APIP: variants seen among roughly 807,000 people sequenced by gnomAD.
APIP encodes methylthioribulose-1-phosphate dehydratase.
In APIP, 32 loss-of-function variants were observed where a neutral mutation model predicts 32.0. The observed-to-expected ratio is 1.00, with a 90% CI of 0.76 to 1.34. The LOEUF (loss-of-function observed/expected upper bound fraction) is 1.34. APIP is among the 40% of genes most tolerant of loss of function. The pLI is 0.00. For missense variants in APIP, 247 were observed against 298.6 expected, an observed-to-expected ratio of 0.83 and a Z score of 1.27; for synonymous variants, 92 against 94.8, an observed-to-expected ratio of 0.97 and a Z score of 0.17.
At chr11:34,884,702 C>T (rs576464746) in intron 5 of APIP, among the ~76,000 whole-genome samples, 7 of 148,000 alleles carry the variant, frequency 4.7e-5, no homozygotes, top group Admixed American at 1.4e-4. Flanking sequence ...CTAGCCTTGG[C>T]GACAGAGCCA....
At chr11:34,916,138 G>T in intron 1 of APIP, 90 bp downstream of exon 1, 4 of 1,512,326 alleles carry the variant, frequency 2.6e-6, no homozygotes, top group Middle Eastern at 2.3e-4. Flanking sequence ...CTAAACGCCC[G>T]GCCCGCTACC....
At chr11:34,907,938 A>G (rs971055997) in intron 1 of APIP, among the ~76,000 whole-genome samples, 3 of 152,162 alleles carry the variant, frequency 2.0e-5, no homozygotes, top group Non-Finnish European at 1.5e-5. Flanking sequence ...CACAGCCAAC[A>G]ATGGCTCTAA....
chr11:34,899,980 T>C (rs1245739499), intron 1 of APIP, among the ~76,000 whole-genome samples: 1 of 152,228 alleles, frequency 6.6e-6, no homozygotes, highest in Non-Finnish European at 1.5e-5. Flanking sequence ...TGGGACTGCT[T>C]CAACCCTGAG....
rs1853129440 is a variant in APIP, at chr11:34,888,747, C to T, written c.325+5G>A. On this transcript the variant is annotated splice_donor_5th_base_variant and intron_variant, in intron 4 of 6. Transcript: ENST00000395787. Reference sequence around the variant, plus strand: ...TTCTTTATGTTGAATATATTTTCTGCATACCTCTCATTGTGTAAGCATTCA... The same window carrying T: ...TTCTTTATGTTGAATATATTTTCTGTATACCTCTCATTGTGTAAGCATTCA... The T allele has an allele frequency of 2.0e-6, 3 of 1,511,762 alleles. No individual in the cohort carries two copies. Among genetic ancestry groups the T allele is most frequent in the South Asian group, 2.7e-5 (2 of 75,366 alleles). The allele number at this position is 1,511,762 out of a possible 1,614,324, so 93.6% of individuals were successfully genotyped here.
intron 1 of APIP, among the ~76,000 whole-genome samples, chr11:34,910,235 G>C (rs1853524709): frequency 6.6e-6 from 1 of 152,188 alleles, no homozygotes; most frequent in Non-Finnish European, 1.5e-5. Context: ...GTTTGGCTAG[G>C]CCAACTCCAT....
intron 1 of APIP, 56 bp from the exon 2 acceptor site, chr11:34,895,166 C>A: frequency 7.0e-7 from 1 of 1,427,438 alleles, no homozygotes; most frequent in South Asian, 1.2e-5. Context: ...AGTAACTATT[C>A]CAGCTGGTGT....
intron 5 of APIP, among the ~76,000 whole-genome samples, chr11:34,885,292 A>T (rs2985397): frequency 0.6 from 89,220 of 148,704 alleles, 27,816 homozygotes; most frequent in East Asian, 0.74. Flanking sequence ...TATACATATA[A>T]AGGTATATAT....
chr11:34,883,382 TG>T lies in APIP; in HGVS notation c.583del (p.His195MetfsTer30). 6.2e-7 allele frequency: 1 copy of T among 1,613,622 alleles called. No individual in the cohort carries two copies. The highest frequency in any genetic ancestry group is 8.5e-7 in the Non-Finnish European group (1 of 1,179,852). On this transcript the variant is annotated frameshift_variant, in exon 6 of 7. Transcript: ENST00000395787. LOFTEE classifies it high-confidence loss of function. ...PDSCAVLVRR[H>X]GVYVWGETWE... ...TGTTTCCCCCCACACATATACTCCA[TG>T]ACGTCTGACCAGTACTGCACAGGAG...
At chr11:34,912,840 T>C (rs1274591902) in intron 1 of APIP, among the ~76,000 whole-genome samples, 2 of 152,192 alleles carry the variant, frequency 1.3e-5, no homozygotes, top group Non-Finnish European at 2.9e-5. Flanking sequence ...CCTTTATATA[T>C]ATATTCCATT....
At chr11:34,891,716 G>A (rs1038215901) in intron 2 of APIP, among the ~76,000 whole-genome samples, 7 of 152,164 alleles carry the variant, frequency 4.6e-5, no homozygotes, top group Admixed American at 3.9e-4. Context: ...TTAGCTGCAC[G>A]CGAGCATTTG....
intron 5 of APIP, among the ~76,000 whole-genome samples, chr11:34,884,069 A>G (rs1166287652): frequency 6.6e-6 from 1 of 152,200 alleles, no homozygotes; most frequent in African/African-American, 2.4e-5. Flanking sequence ...AATCTGTAGC[A>G]TTAGAACTTC....
chr11:34,890,474 C>G, intron 3 of APIP, 30 bp downstream of exon 3: 1 of 1,583,042 alleles, frequency 6.3e-7, no homozygotes, highest in Non-Finnish European at 8.6e-7. Context: ...GAAGAAAAGA[C>G]ACTGAGGTTA....
intron 1 of APIP, among the ~76,000 whole-genome samples, chr11:34,904,617 G>A (rs1052103071): frequency 6.6e-6 from 1 of 152,170 alleles, no homozygotes; most frequent in Admixed American, 6.5e-5. Context: ...GAAGCGACTA[G>A]CAAAAGCCCA....
chr11:34,888,236 A>G (rs1364509073), intron 5 of APIP, 57 bp downstream of exon 5: 6 of 1,430,522 alleles, frequency 4.2e-6, no homozygotes, highest in Non-Finnish European at 5.6e-6. Flanking sequence ...TATTCTATTT[A>G]TCAAAGAGAA....
At chr11:34,908,543 C>A (rs1853492430) in intron 1 of APIP, among the ~76,000 whole-genome samples, 1 of 152,226 alleles carries the variant, frequency 6.6e-6, no homozygotes, top group Non-Finnish European at 1.5e-5. Context: ...CCTCCTCCTC[C>A]TCATCAGTCA....
intron 1 of APIP, among the ~76,000 whole-genome samples, chr11:34,912,990 C>T (rs939883136): frequency 6.6e-6 from 1 of 152,158 alleles, no homozygotes; most frequent in Non-Finnish European, 1.5e-5. Flanking sequence ...TCTGGTGGAC[C>T]ACCAGGCCCC....
intron 1 of APIP, among the ~76,000 whole-genome samples, chr11:34,896,467 C>T (rs964597707): frequency 1.3e-5 from 2 of 152,138 alleles, no homozygotes; most frequent in African/African-American, 4.8e-5. Context: ...CAAACTAACA[C>T]AGGAGCAGAA....
chr11:34,916,356 G>T lies in APIP; in HGVS notation c.-72C>A, dbSNP rs767425029. 1 of 1,577,562 alleles carries T rather than the reference G, an allele frequency of 6.3e-7. No homozygotes were observed. The highest frequency in any genetic ancestry group is 8.6e-7 in the Non-Finnish European group (1 of 1,161,714). ...GCGCGCGGCGCTTAGCCTGGGATAC[G>T]GCAGCGAGGCCGCAAATGCAATCAG... On this transcript the variant is annotated 5_prime_UTR_variant, in exon 1 of 7. Transcript: ENST00000395787.
intron 1 of APIP, among the ~76,000 whole-genome samples, chr11:34,896,393 T>C (rs1853271564): frequency 6.6e-6 from 1 of 151,980 alleles, no homozygotes. Flanking sequence ...TATGCAGCCA[T>C]AAAAAAGGAT....
Sources: gnomAD v4.1 joint callset for allele counts (sites outside exome capture counted in the v4.1 genomes callset) on GRCh38, gnomAD v4.1.1 for gene constraint, MANE v1.5 for transcripts, NCBI Gene and HGNC (gene_info 2026-07-23, HGNC 2026-07-21) for gene names.